The following SLC25A12 variants were observed in gnomAD, a reference collection of about 807,000 sequenced individuals.
SLC25A12 encodes the protein solute carrier family 25 member 12, also known as electrogenic aspartate/glutamate antiporter SLC25A12, mitochondrial.
SLC25A12 carries 32 observed loss-of-function variants against 83.3 expected under a neutral mutation model. The observed-to-expected ratio is 0.38, with a 90% CI of 0.29 to 0.52. The LOEUF is 0.52. SLC25A12 is among the 20% of genes least tolerant of loss of function. SLC25A12 has a pLI of 0.84. For missense variants in SLC25A12, 611 were observed against 835.6 expected (o/e 0.73, Z 3.31); for synonymous variants, 267 against 291.1 (o/e 0.92, Z 0.84).
intron 2 of SLC25A12, among the ~76,000 whole-genome samples, chr2:171,885,256 T>G (rs1011717021): frequency 1.3e-5 from 2 of 152,052 alleles, no homozygotes; most frequent in African/African-American, 2.4e-5. Context: ...ATCTTTTTAT[T>G]ATTTTTCAAT....
At chr2:171,842,116 G>A (rs1278601371) in intron 5 of SLC25A12, among the ~76,000 whole-genome samples, 1 of 151,972 alleles carries the variant, frequency 6.6e-6, no homozygotes, top group Admixed American at 6.6e-5. Flanking sequence ...CCATAAGGTG[G>A]GAACAACTCA....
chr2:171,855,271 G>A (rs1327812277), intron 4 of SLC25A12, among the ~76,000 whole-genome samples: 1 of 152,188 alleles, frequency 6.6e-6, no homozygotes, highest in African/African-American at 2.4e-5. Flanking sequence ...TAGATTTTGT[G>A]TCTACTAGAG....
rs190214872 is a variant in SLC25A12, at chr2:171,885,596, C to T, written c.66+7609G>A. Among the ~76,000 whole-genome samples the T allele has an allele frequency of 4.9e-3, 750 of 151,706 alleles. 4 individuals carry two copies. Among genetic ancestry groups the T allele is most frequent in the Non-Finnish European group, 8.1e-3 (548 of 67,884 alleles). ...CTGAGGCATGAGAATTGCTTGAACCCGGGAGGCGGAGGTTGCAGTGAGCCA... is the reference window on the plus strand; with the variant it reads ...CTGAGGCATGAGAATTGCTTGAACCTGGGAGGCGGAGGTTGCAGTGAGCCA... On this transcript the variant is annotated intron_variant, in intron 2 of 17. Transcript: ENST00000422440.
intron 4 of SLC25A12, among the ~76,000 whole-genome samples, chr2:171,851,909 C>T (rs1223308974): frequency 6.6e-6 from 1 of 152,148 alleles, no homozygotes; most frequent in Non-Finnish European, 1.5e-5. Flanking sequence ...ATCTAGGTTA[C>T]CTGAATCTAA....
intron 2 of SLC25A12, among the ~76,000 whole-genome samples, chr2:171,884,259 C>T (rs892861976): frequency 2.0e-5 from 3 of 150,180 alleles, no homozygotes; most frequent in Non-Finnish European, 3.0e-5. Flanking sequence ...GACACGATCT[C>T]GGCTCACTGC....
chr2:171,849,808 G>A (rs1267537038), intron 4 of SLC25A12, among the ~76,000 whole-genome samples: 7 of 151,834 alleles, frequency 4.6e-5, no homozygotes, highest in African/African-American at 1.4e-4. Context: ...CACCCGCCTC[G>A]GCCTCCCAAA....
chr2:171,834,995 A>G, intron 6 of SLC25A12, 130 bp from the exon 7 acceptor site: 2 of 931,708 alleles, frequency 2.1e-6, no homozygotes, highest in South Asian at 1.4e-5. Flanking sequence ...ACCAGTACAT[A>G]AATACAAGGA....
chr2:171,891,824 CTTCTG>C (rs1390910473), intron 2 of SLC25A12, among the ~76,000 whole-genome samples: 1 of 152,180 alleles, frequency 6.6e-6, no homozygotes, highest in Non-Finnish European at 1.5e-5. Context: ...ATTATAATTA[CTTCTG>C]TTCTGGAAAA....
chr2:171,886,752 C>T (rs557655758), intron 2 of SLC25A12, among the ~76,000 whole-genome samples: 6 of 152,178 alleles, frequency 3.9e-5, no homozygotes, highest in East Asian at 3.9e-4. Context: ...CCTTGTGATC[C>T]GCCCACCTTG....
intron 5 of SLC25A12, among the ~76,000 whole-genome samples, 186 bp downstream of exon 5, chr2:171,844,183 G>T (rs977707433): frequency 1.3e-5 from 2 of 152,206 alleles, no homozygotes; most frequent in Non-Finnish European, 2.9e-5. Context: ...TAAATAAATG[G>T]AAGTAAACAC....
chr2:171,893,139 A>C, intron 2 of SLC25A12, 66 bp downstream of exon 2: 1 of 1,277,740 alleles, frequency 7.8e-7, no homozygotes, highest in Non-Finnish European at 1.1e-6. Flanking sequence ...TAAGGCATGA[A>C]TAGGACTAAG....
At position 171,855,885 on chromosome 2, in the gene SLC25A12, T is replaced by C. The variant is rs751991618; in HGVS notation, c.274A>G (p.Ile92Val). 10 of 1,613,672 alleles carry C rather than the reference T, an allele frequency of 6.2e-6. No individual in the cohort carries two copies. Among genetic ancestry groups the C allele is most frequent in the South Asian group, 1.1e-5 (1 of 91,084 alleles). Residue 92 changes from isoleucine to valine, a missense_variant, in exon 4 of 18, where the codon ATA (isoleucine) becomes GTA (valine). This residue lies in a region of SLC25A12 where 540 missense variants were observed against 777.5 expected (regional missense o/e 0.69). Coordinates refer to ENST00000422440, the MANE Select transcript of SLC25A12 (RefSeq NM_003705.5). ...TTGTCAAACAACTGGAAAGCCACTA[T>C]GAACATGGAATCTGGAGCACATAAA... ...SVLCAPDSMF[I>V]VAFQLFDKSG... is the part of the protein sequence containing the mutation.
intron 8 of SLC25A12, among the ~76,000 whole-genome samples, chr2:171,828,895 C>G (rs575371789): frequency 6.6e-6 from 1 of 152,352 alleles, no homozygotes; most frequent in Admixed American, 6.5e-5. Flanking sequence ...GGTACCATCA[C>G]CCATCTAAGG....
chr2:171,832,804 C>T (rs1475524953), intron 8 of SLC25A12, among the ~76,000 whole-genome samples: 2 of 152,158 alleles, frequency 1.3e-5, no homozygotes, highest in Non-Finnish European at 2.9e-5. Context: ...AGTCACTGTA[C>T]AAAATAGAAG....
At chr2:171,866,518 C>A (rs2105914891) in intron 3 of SLC25A12, among the ~76,000 whole-genome samples, 1 of 146,708 alleles carries the variant, frequency 6.8e-6, no homozygotes, top group East Asian at 2.1e-4. Context: ...GGGCTCCTCA[C>A]TTCCCAGTAG....
intron 4 of SLC25A12, among the ~76,000 whole-genome samples, chr2:171,845,110 A>G (rs1684765322): frequency 6.6e-6 from 1 of 152,156 alleles, no homozygotes; most frequent in African/African-American, 2.4e-5. Context: ...CATAAAATCC[A>G]TGATTATTAG....
chr2:171,803,247 G>GA (rs1041467066), intron 13 of SLC25A12, among the ~76,000 whole-genome samples: 81 of 151,096 alleles, frequency 5.4e-4, no homozygotes, highest in African/African-American at 1.8e-3. Context: ...CTATATACCA[G>GA]AAAAAAAAGG....
chr2:171,856,013 G>A (rs1000339790), intron 3 of SLC25A12, 64 bp from the exon 4 acceptor site: 25 of 895,076 alleles, frequency 2.8e-5, no homozygotes, highest in Non-Finnish European at 4.4e-5. Context: ...CATTTAATCT[G>A]CCTTTACTAT....
At chr2:171,852,071 C>T (rs946857410) in intron 4 of SLC25A12, among the ~76,000 whole-genome samples, 7 of 152,102 alleles carry the variant, frequency 4.6e-5, no homozygotes, top group Non-Finnish European at 7.4e-5. Flanking sequence ...AGTAATTATC[C>T]ACGGCATGCA....
Sources: allele counts gnomAD v4.1 joint callset (sites outside exome capture counted in the v4.1 genomes callset), GRCh38; gene constraint gnomAD v4.1.1; regional missense constraint gnomAD v4.1.1; transcripts MANE v1.5; gene names NCBI Gene and HGNC (gene_info 2026-07-23, HGNC 2026-07-21).